ROBO2: variants seen among roughly 807,000 people sequenced by gnomAD.
ROBO2 encodes roundabout homolog 2.
In ROBO2, 53 loss-of-function variants were observed where a neutral mutation model predicts 160.8. The ratio of observed to expected loss-of-function variants is 0.33; its 90% CI spans 0.26 to 0.41. ROBO2 has a LOEUF of 0.41. ROBO2 is among the 10% of genes least tolerant of loss of function. The pLI is 1.00. For missense variants in ROBO2, 1,577 were observed against 1,722.4 expected (o/e 0.92, Z 1.49); for synonymous variants, 664 against 611.7 (o/e 1.09, Z -1.26).
chr3:76,583,311 C>T (rs1331743011), intron 2 of ROBO2, among the ~76,000 whole-genome samples: 1 of 152,130 alleles, frequency 6.6e-6, no homozygotes, highest in African/African-American at 2.4e-5. Context: ...GAGGACAGCG[C>T]TTAGTTGCAG....
At chr3:76,275,981 C>T (rs550167426) in intron 2 of ROBO2, among the ~76,000 whole-genome samples, 1 of 151,734 alleles carries the variant, frequency 6.6e-6, no homozygotes, top group South Asian at 2.1e-4. Context: ...AATTAAAAAT[C>T]AAATATACAA....
intron 20 of ROBO2, chr3:77,602,803 G>A (rs2153693061): frequency 2.1e-6 from 1 of 481,710 alleles, no homozygotes; most frequent in Non-Finnish European, 4.0e-6. Context: ...TTCCATTAGG[G>A]CAGGGTAGAC....
At chr3:76,085,797 G>C (rs1315737045) in intron 2 of ROBO2, among the ~76,000 whole-genome samples, 2 of 152,210 alleles carry the variant, frequency 1.3e-5, no homozygotes, top group Non-Finnish European at 2.9e-5. Context: ...ACAACTCTGA[G>C]AATTAAAAAC....
At chr3:76,487,322 T>A (rs1295922684) in intron 2 of ROBO2, among the ~76,000 whole-genome samples, 1 of 151,994 alleles carries the variant, frequency 6.6e-6, no homozygotes, top group East Asian at 1.9e-4. Flanking sequence ...CACATCCTTT[T>A]TATGATAGTG....
intron 23 of ROBO2, chr3:77,632,005 A>G (rs1202423767): frequency 6.6e-6 from 1 of 152,126 alleles, no homozygotes; most frequent in Non-Finnish European, 1.5e-5. Context: ...TCTTGAAATA[A>G]TTTTTGCCCT....
chr3:77,437,074 G>A (rs2079369679), intron 2 of ROBO2, among the ~76,000 whole-genome samples: 1 of 151,896 alleles, frequency 6.6e-6, no homozygotes, highest in African/African-American at 2.4e-5. Context: ...ATGTGTTTCT[G>A]AATACCTTGC....
At chr3:76,396,037 C>A (rs1159582354) in intron 2 of ROBO2, among the ~76,000 whole-genome samples, 1 of 152,102 alleles carries the variant, frequency 6.6e-6, no homozygotes, top group Non-Finnish European at 1.5e-5. Context: ...AATTTTAGAC[C>A]AATAACCTTG....
rs181162802 is a variant in ROBO2 at position 76,663,455 on chromosome 3, A to G, written c.110-434559A>G. On this transcript the variant is annotated intron_variant, in intron 2 of 26. Coordinates refer to the ROBO2 transcript ENST00000487694. ...ATCACAGTCTTCAGCAGGTCTTTCC[A>G]AAGATTGTTTAGTGCTTCTATAGTC... is the stretch of plus-strand genomic sequence containing the variant. Among the ~76,000 whole-genome samples the G allele has an allele frequency of 2.2e-3, 335 of 152,290 alleles. 7 individuals are homozygous for G. Among genetic ancestry groups the G allele is most frequent in the Admixed American group, 0.02 (306 of 15,298 alleles).
intron 2 of ROBO2, among the ~76,000 whole-genome samples, chr3:76,604,328 T>G (rs1264117285): frequency 6.6e-6 from 1 of 152,156 alleles, no homozygotes; most frequent in Non-Finnish European, 1.5e-5. Flanking sequence ...AAAAAGATTT[T>G]CTTTGTATTA....
chr3:76,732,935 C>T (rs1425259602), intron 2 of ROBO2, among the ~76,000 whole-genome samples: 4 of 138,886 alleles, frequency 2.9e-5, no homozygotes, highest in South Asian at 4.4e-4. Flanking sequence ...TGTAGTCTTC[C>T]TTATGGCCCT....
chr3:77,312,911 C>T (rs1172057614), intron 2 of ROBO2, among the ~76,000 whole-genome samples: 3 of 152,204 alleles, frequency 2.0e-5, no homozygotes, highest in African/African-American at 7.2e-5. Context: ...TCTAAAAAAT[C>T]TGTGTCCTTT....
At chr3:77,070,461 T>A (rs2067290729) in intron 1 of ROBO2, among the ~76,000 whole-genome samples, 1 of 152,084 alleles carries the variant, frequency 6.6e-6, no homozygotes, top group Admixed American at 6.6e-5. Flanking sequence ...TTCATTGAAC[T>A]TAGAACCCAC....
intron 2 of ROBO2, among the ~76,000 whole-genome samples, chr3:76,580,342 G>GTTTTTTTTTTTTTTTTTTTTTTTTT (rs71101901): frequency 5.5e-5 from 5 of 90,562 alleles, no homozygotes; most frequent in Non-Finnish European, 1.0e-4. Flanking sequence ...TTTTTTTTGT[G>GTTTTTTTTTTTTTTTTTTTTTTTTT]TTTTTTTTTT....
At chr3:76,991,064 T>C (rs1440859979) in intron 2 of ROBO2, among the ~76,000 whole-genome samples, 1 of 152,160 alleles carries the variant, frequency 6.6e-6, no homozygotes. Context: ...CTTGGCCCTC[T>C]TCCAAGTGTA....
intron 2 of ROBO2, among the ~76,000 whole-genome samples, chr3:77,469,867 A>T (rs976209521): frequency 1.3e-5 from 2 of 152,182 alleles, no homozygotes; most frequent in African/African-American, 2.4e-5. Flanking sequence ...CAACCAATCG[A>T]CATTATTTGG....
At chr3:77,055,271 G>T (rs2065624998) in intron 1 of ROBO2, among the ~76,000 whole-genome samples, 1 of 152,028 alleles carries the variant, frequency 6.6e-6, no homozygotes, top group Non-Finnish European at 1.5e-5. Context: ...ATAAGGGATG[G>T]TCTTGATATT....
At chr3:77,032,232 G>T (rs1490959728) in intron 2 of ROBO2, among the ~76,000 whole-genome samples, 1 of 152,156 alleles carries the variant, frequency 6.6e-6, no homozygotes, top group African/African-American at 2.4e-5. Flanking sequence ...AGAAATCACT[G>T]CTGGCGAATA....
chr3:76,377,270 A>G (rs2076393962), intron 2 of ROBO2, among the ~76,000 whole-genome samples: 1 of 152,192 alleles, frequency 6.6e-6, no homozygotes. Flanking sequence ...TAATATTGAC[A>G]TAAAACAAGG....
chr3:76,579,114 T>G (rs1393019477), intron 2 of ROBO2, among the ~76,000 whole-genome samples: 2 of 152,144 alleles, frequency 1.3e-5, no homozygotes, highest in Non-Finnish European at 2.9e-5. Flanking sequence ...ATATTTTCTT[T>G]TATATTCTGC....
Sources: gnomAD v4.1 joint callset for allele counts (sites outside exome capture counted in the v4.1 genomes callset) on GRCh38, gnomAD v4.1.1 for gene constraint, MANE v1.5 for transcripts, NCBI Gene and HGNC (gene_info 2026-07-23, HGNC 2026-07-21) for gene names.